The following ADGRA2 variants were observed in gnomAD, a reference collection of about 807,000 sequenced individuals.
The protein encoded by ADGRA2 is adhesion G protein-coupled receptor A2.
A neutral mutation model predicts 98.7 loss-of-function variants in ADGRA2; 61 were observed. The ratio of observed to expected loss-of-function variants is 0.62; its 90% CI spans 0.50 to 0.76. ADGRA2 has a LOEUF of 0.76. Among genes scored for constraint, ADGRA2 ranks in the 30% least tolerant of loss-of-function variants. The probability of loss-of-function intolerance (pLI) is 0.00; values close to 1 mark genes in which losing one functional copy is unlikely to be tolerated. For synonymous variants in ADGRA2, 858 were observed against 831.5 expected (o/e 1.03, Z -0.55); for missense variants, 1,712 against 1,860.0 (o/e 0.92, Z 1.46).
At position 37,837,887 on chromosome 8, in the gene ADGRA2, C is replaced by G; in HGVS notation, c.2207C>G (p.Pro736Arg). ...SEGCQLRSSQ[P>R]NVSALHCQHL... The stretch of plus-strand genomic sequence containing the variant: ...GGCTGCCAGCTCCGCTCCAGCCAGC[C>G]CAATGTCAGCGCCCTGCACTGCCAG... The change falls in exon 14 of 19, where the codon CCC (proline) becomes CGC (arginine). Residue 736 changes from proline to arginine, a missense_variant. Coordinates refer to ENST00000412232, the MANE Select transcript of ADGRA2 (RefSeq NM_032777.10). The G allele has an allele frequency of 1.3e-6, 2 of 1,490,370 alleles. No homozygotes were observed. The allele number at this position is 1,490,370 out of a possible 1,614,324, so 92.3% of individuals were successfully genotyped here.
Position 37,838,904 on chromosome 8 carries a change from G to T in ADGRA2, c.2260-52G>T. On this transcript the variant is annotated intron_variant, in intron 14 of 18. Transcript: ENST00000412232. ...CTGGGAAGAGGAAAGCTGGCCTGGG[G>T]GCCTGGCGAGGTGTCCACATTCCTC... is the stretch of plus-strand genomic sequence containing the variant. 5.3e-6 allele frequency: 8 copies of T among 1,519,234 alleles called. No homozygotes were observed. In the South Asian group the frequency reaches 1.1e-4, roughly 20 times the overall value. The allele number at this position is 1,519,234 out of a possible 1,614,324, so 94.1% of individuals were successfully genotyped here.
chr8:37,830,967 G>T lies in ADGRA2; in HGVS notation c.932+44G>T. 1 of 1,452,164 alleles carries T rather than the reference G, an allele frequency of 6.9e-7. No homozygotes were observed. Among genetic ancestry groups the T allele is most frequent in the Non-Finnish European group, 9.4e-7 (1 of 1,062,482 alleles). The allele number at this position is 1,452,164 out of a possible 1,614,324, so 90.0% of individuals were successfully genotyped here. On this transcript the variant is annotated intron_variant, in intron 7 of 18. Coordinates refer to ENST00000412232, the MANE Select transcript of ADGRA2 (RefSeq NM_032777.10). This position sits in a 1 kb window ranked among gnomAD's most constrained non-coding sequence, Gnocchi z 4.8. ...CTCCTCAGGCCTCAGCATGGGGTTA[G>T]GGGACCTACCCTACCCGTCACCACC...
chr8:37,830,303 C>T lies in ADGRA2; in HGVS notation c.718+289C>T, dbSNP rs1469382361. Among the ~76,000 whole-genome samples, 2 of 152,206 alleles carry T rather than the reference C, an allele frequency of 1.3e-5. No homozygotes were observed. Among genetic ancestry groups the T allele is most frequent in the Non-Finnish European group, 2.9e-5 (2 of 68,042 alleles). ...AGAATCACATTTACTATCCCAGCGA[C>T]CCTCCCTGTGAGGCGGGGCCAGTGT... is the stretch of plus-strand genomic sequence containing the variant. On this transcript the variant is annotated intron_variant, in intron 6 of 18. Coordinates refer to ENST00000412232, the MANE Select transcript of ADGRA2 (RefSeq NM_032777.10). This position sits in a 1 kb window ranked among gnomAD's most constrained non-coding sequence, Gnocchi z 4.8.
intron 1 of ADGRA2, among the ~76,000 whole-genome samples, chr8:37,807,598 G>T (rs1439191115): frequency 6.6e-6 from 1 of 152,170 alleles, no homozygotes; most frequent in Non-Finnish European, 1.5e-5. Flanking sequence ...TGCAGGGGAG[G>T]CTGAGAGCTC....
At position 37,844,097 on chromosome 8, in the gene ADGRA2, A is replaced by T. The variant is rs1199741581; in HGVS notation, c.*1742A>T. 3 of 210,872 alleles carry T rather than the reference A, an allele frequency of 1.4e-5. No homozygotes were observed. The highest frequency in any genetic ancestry group is 2.9e-5 in the Non-Finnish European group (3 of 103,140). 13.1% of individuals were successfully genotyped at this position (210,872 alleles called of 1,614,324 possible). Reference sequence around the variant, plus strand: ...GAATTCCCCAGTTCCCGCTCCTCTGAGGGTTGATACTGCTGGGAATGCCAA... The same window carrying T: ...GAATTCCCCAGTTCCCGCTCCTCTGTGGGTTGATACTGCTGGGAATGCCAA... On this transcript the variant is annotated 3_prime_UTR_variant, in exon 19 of 19. Transcript: ENST00000412232.
chr8:37,821,590 C>A (rs1164253207), intron 2 of ADGRA2, among the ~76,000 whole-genome samples: 1 of 152,176 alleles, frequency 6.6e-6, no homozygotes, highest in African/African-American at 2.4e-5. Flanking sequence ...TGCCTCTAGA[C>A]CAGGGACCAA....
rs1475989358 is a variant in ADGRA2, at chr8:37,844,870, C to A, written c.*2515C>A. Reference sequence around the variant, plus strand: ...TGGAGAAGGTCACCGATGTGCTTCACCACAGACCGTTTGTCAAGTCTCAGA... The same window carrying A: ...TGGAGAAGGTCACCGATGTGCTTCAACACAGACCGTTTGTCAAGTCTCAGA... On this transcript the variant is annotated 3_prime_UTR_variant, in exon 19 of 19. Coordinates refer to ENST00000412232, the MANE Select transcript of ADGRA2 (RefSeq NM_032777.10). 6.2e-7 allele frequency: 1 copy of A among 1,614,204 alleles called. No individual in the cohort carries two copies. Among genetic ancestry groups the A allele is most frequent in the Admixed American group, 1.7e-5 (1 of 60,022 alleles).
At chr8:37,799,559 A>G (rs886516855) in intron 1 of ADGRA2, among the ~76,000 whole-genome samples, 21 of 152,274 alleles carry the variant, frequency 1.4e-4, no homozygotes, top group African/African-American at 4.8e-4. Context: ...GCAGTTTTGC[A>G]GTACATCTTA....
chr8:37,812,090 A>C (rs189739003), intron 1 of ADGRA2, among the ~76,000 whole-genome samples: 34 of 152,164 alleles, frequency 2.2e-4, no homozygotes, highest in Admixed American at 1.6e-3. Flanking sequence ...CCACAGAATG[A>C]GACTCTCTTT....
intron 1 of ADGRA2, among the ~76,000 whole-genome samples, chr8:37,800,712 G>T (rs1422833552): frequency 6.6e-6 from 1 of 152,186 alleles, no homozygotes; most frequent in Non-Finnish European, 1.5e-5. Flanking sequence ...GGAGGGAGCT[G>T]CCGCTTCTTT....
chr8:37,840,882 C>A (rs763358188), intron 18 of ADGRA2, 33 bp downstream of exon 18: 4 of 1,213,220 alleles, frequency 3.3e-6, no homozygotes, highest in Non-Finnish European at 4.8e-6. Flanking sequence ...CCAAGCCTAC[C>A]TACCTAACAC....
chr8:37,803,819 C>T (rs1804574824), intron 1 of ADGRA2, among the ~76,000 whole-genome samples: 1 of 152,016 alleles, frequency 6.6e-6, no homozygotes, highest in Admixed American at 6.6e-5. Context: ...GGTGGGAGAG[C>T]GAGTCCTGGG....
intron 3 of ADGRA2, 107 bp from the exon 4 acceptor site, chr8:37,829,154 T>C: frequency 1.1e-6 from 1 of 942,386 alleles, no homozygotes. Flanking sequence ...ATCTCCTTTT[T>C]CATCCCACCC....
At chr8:37,817,374 G>A (rs1454580058) in intron 2 of ADGRA2, among the ~76,000 whole-genome samples, 2 of 151,994 alleles carry the variant, frequency 1.3e-5, no homozygotes, top group Non-Finnish European at 2.9e-5. Flanking sequence ...CAGACAGAGT[G>A]GTCCTGATGC....
At chr8:37,826,864 G>A (rs1050971092) in intron 2 of ADGRA2, among the ~76,000 whole-genome samples, 1 of 149,894 alleles carries the variant, frequency 6.7e-6, no homozygotes, top group Non-Finnish European at 1.5e-5. Flanking sequence ...CTGAGGGGTG[G>A]CAGGGCCAAG....
At chr8:37,838,101 T>C (rs1394389622) in intron 14 of ADGRA2, among the ~76,000 whole-genome samples, 162 bp downstream of exon 14, 1 of 152,220 alleles carries the variant, frequency 6.6e-6, no homozygotes, top group Non-Finnish European at 1.5e-5. Flanking sequence ...AATGGCCCTT[T>C]GGCCTCTCCT....
In ADGRA2 at chr8:37,835,320, G is replaced by A. The variant is rs149384087; in HGVS notation, c.1755G>A (p.Glu585=). The part of the protein sequence containing the change: ...SPGQNPPPEP[E]PPADQQLRFR... The stretch of plus-strand genomic sequence containing the variant: ...GCCAGAACCCCCCACCTGAGCCCGA[G>A]CCCCCAGCTGACCAGCAGCTCCGCT... Residue 585 remains glutamate (E), a synonymous_variant, in exon 12 of 19, where the codon GAG becomes GAA. Transcript: ENST00000412232. 7 of 1,613,606 alleles carry A rather than the reference G, an allele frequency of 4.3e-6. No individual in the cohort carries two copies. The Admixed American group carries it at 5.0e-5, about 12-fold the overall frequency.
Position 37,844,812 on chromosome 8 carries a change from C to A in ADGRA2, c.*2457C>A. The A allele has an allele frequency of 6.2e-7, 1 of 1,614,166 alleles. No individual in the cohort carries two copies. Among genetic ancestry groups the A allele is most frequent in the Non-Finnish European group, 8.5e-7 (1 of 1,180,040 alleles). On this transcript the variant is annotated 3_prime_UTR_variant, in exon 19 of 19. Coordinates refer to ENST00000412232, the MANE Select transcript of ADGRA2 (RefSeq NM_032777.10). ...GGTCTCCACTTCTGCTGTCCCATCC[C>A]GAAAGGCAGAGCGGACCAGTGACTG...
At chr8:37,832,322 G>A (rs1187003823) in intron 8 of ADGRA2, among the ~76,000 whole-genome samples, 1 of 152,094 alleles carries the variant, frequency 6.6e-6, no homozygotes, top group Non-Finnish European at 1.5e-5. Context: ...CGAAGTGCCA[G>A]GATTACAGGC....
Sources: gnomAD v4.1 joint callset for allele counts (sites outside exome capture counted in the v4.1 genomes callset) on GRCh38, gnomAD v4.1.1 for gene constraint, Gnocchi (gnomAD v3.1) non-coding constraint, MANE v1.5 for transcripts, NCBI Gene and HGNC (gene_info 2026-07-23, HGNC 2026-07-21) for gene names.